The following NSD3 variants were observed in gnomAD, a reference collection of about 807,000 sequenced individuals.
The protein encoded by NSD3 is nuclear receptor binding SET domain protein 3.
Under a neutral mutation model 160.8 loss-of-function variants are expected in NSD3, and 24 were observed. That is an observed-to-expected ratio of 0.15 (90% CI 0.11 to 0.21). The LOEUF (loss-of-function observed/expected upper bound fraction) is 0.21. NSD3 is among the 10% of genes least tolerant of loss of function. NSD3 has a pLI of 1.00. For synonymous variants in NSD3, 520 were observed against 600.0 expected (o/e 0.87, Z 1.95); for missense variants, 1,157 against 1,735.9 (o/e 0.67, Z 5.93).
At chr8:38,299,407 C>G in intron 15 of NSD3, 37 bp downstream of exon 15, 1 of 1,587,270 alleles carries the variant, frequency 6.3e-7, no homozygotes, top group Non-Finnish European at 8.6e-7. Context: ...ATAGGAAATG[C>G]AAAAATAAAA....
In NSD3 at chr8:38,272,008, G is replaced by T. The variant is rs748869264; in HGVS notation, c.*3633C>A. ...CAGTAGGTCTGGGTTTGACCTATTG[G>T]AATACACCATGCAAGAAACTACTCA... On this transcript the variant is annotated 3_prime_UTR_variant, in exon 24 of 24. Transcript: ENST00000317025. The T allele has an allele frequency of 3.3e-5, 5 of 152,196 alleles. No individual in the cohort carries two copies. The highest frequency in any genetic ancestry group is 7.3e-5 in the Non-Finnish European group (5 of 68,046). The allele number at this position is 152,196 out of a possible 1,614,324, so 9.4% of individuals were successfully genotyped here. A position where few individuals can be genotyped will look rare whatever the true frequency, so the allele number is the denominator to read the frequency against.
At chr8:38,277,165 C>T (rs772309010) in intron 22 of NSD3, among the ~76,000 whole-genome samples, 3 of 152,062 alleles carry the variant, frequency 2.0e-5, no homozygotes, top group Non-Finnish European at 2.9e-5. Flanking sequence ...TGGTCTTGAA[C>T]TCCTGAGCTC....
chr8:38,350,063 A>G (rs1810647870), intron 1 of NSD3, among the ~76,000 whole-genome samples: 1 of 152,012 alleles, frequency 6.6e-6, no homozygotes, highest in Admixed American at 6.5e-5. Flanking sequence ...TATGTGCCAC[A>G]TTTTCTTAAT....
At chr8:38,324,541 G>T (rs1259408651) in intron 7 of NSD3, among the ~76,000 whole-genome samples, 2 of 152,178 alleles carry the variant, frequency 1.3e-5, no homozygotes, top group Non-Finnish European at 2.9e-5. Flanking sequence ...CAGGTCTTAA[G>T]ACTTTGATCC....
chr8:38,280,397 G>A (rs1046227500), intron 20 of NSD3, among the ~76,000 whole-genome samples: 1 of 152,082 alleles, frequency 6.6e-6, no homozygotes, highest in African/African-American at 2.4e-5. Flanking sequence ...CATTTTAACT[G>A]ATGTTTATGA....
chr8:38,371,716 C>T (rs1290055345), intron 1 of NSD3, among the ~76,000 whole-genome samples: 1 of 152,090 alleles, frequency 6.6e-6, no homozygotes, highest in Non-Finnish European at 1.5e-5. Context: ...AGAGATCATA[C>T]AAAAGGAGAC....
At chr8:38,362,926 T>C (rs542022513) in intron 1 of NSD3, among the ~76,000 whole-genome samples, 1 of 152,346 alleles carries the variant, frequency 6.6e-6, no homozygotes, top group South Asian at 2.1e-4. Context: ...ACAAAACCTG[T>C]GCTCAACATA....
Position 38,276,472 on chromosome 8 carries a change from T to C in NSD3, c.3896A>G (p.Lys1299Arg). Reference protein sequence around the residue: ...KSACASTNEEKAKNAKLKQKR... With the variant: ...KSACASTNEERAKNAKLKQKR... ...CTGTTTTAACTTAGCATTTTTTGCC[T>C]TCTCTTCATTTGTTGACGCACATGC... The change falls in exon 23 of 24, where the codon AAG (lysine) becomes AGG (arginine). Residue 1299 changes from lysine (K) to arginine (R), a missense_variant. Transcript: ENST00000317025. 1 of 1,614,250 alleles carries C rather than the reference T, an allele frequency of 6.2e-7. No homozygotes were observed. The highest frequency in any genetic ancestry group is 1.1e-5 in the South Asian group (1 of 91,080).
rs1451958099 is a variant in NSD3, at chr8:38,329,389, A to T, written c.1570T>A (p.Tyr524Asn). The T allele has an allele frequency of 6.2e-7, 1 of 1,607,940 alleles. No homozygotes were observed. The highest frequency in any genetic ancestry group is 1.1e-5 in the South Asian group (1 of 90,826). Residue 524 changes from tyrosine (Y) to asparagine (N), a missense_variant, in exon 6 of 24, where the codon TAT becomes AAT. Tyr to Asn is a moderately radical substitution (Grantham distance 143). This residue lies in a region of NSD3 where 102 missense variants were observed against 126.5 expected (regional missense o/e 0.81). Transcript: ENST00000317025. This position sits in a 1 kb window ranked among gnomAD's most constrained non-coding sequence, Gnocchi z 4.8. ...AAAAAAGGAGGTACCTTTGTTGAATAAACAAATTGATCGATAAATTTCCCA... is the reference window on the plus strand; with the variant it reads ...AAAAAAGGAGGTACCTTTGTTGAATTAACAAATTGATCGATAAATTTCCCA... ...GDGKFIDQFV[Y>N]STKGIGNKTE...
Position 38,274,830 on chromosome 8 carries a change from A to G in NSD3, c.*811T>C, listed in dbSNP as rs1335184531. ...GGAGTGACCATTCCAACTATGCTTCATATCCACAGAAACGCACTTCATCCA... is the reference window on the plus strand; with the variant it reads ...GGAGTGACCATTCCAACTATGCTTCGTATCCACAGAAACGCACTTCATCCA... On this transcript the variant is annotated 3_prime_UTR_variant, in exon 24 of 24. Transcript: ENST00000317025. 1.1e-5 allele frequency: 2 copies of G among 174,808 alleles called. No individual in the cohort carries two copies. The highest frequency in any genetic ancestry group is 2.5e-5 in the Non-Finnish European group (2 of 80,956). The allele number at this position is 174,808 out of a possible 1,614,324, so 10.8% of individuals were successfully genotyped here.
intron 1 of NSD3, among the ~76,000 whole-genome samples, chr8:38,351,624 T>C (rs1006133173): frequency 3.1e-4 from 47 of 150,900 alleles, no homozygotes; most frequent in Non-Finnish European, 6.5e-4. Flanking sequence ...GATCGCACCA[T>C]TGCATTCCAG....
At chr8:38,374,788 A>G (rs180918029) in intron 1 of NSD3, among the ~76,000 whole-genome samples, 88 of 152,232 alleles carry the variant, frequency 5.8e-4, no homozygotes, top group Admixed American at 2.2e-3. Context: ...ATGGATCACG[A>G]GGTCAGGAGA....
intron 14 of NSD3, 32 bp from the exon 15 acceptor site, chr8:38,299,622 C>T: frequency 6.7e-7 from 1 of 1,485,934 alleles, no homozygotes; most frequent in Non-Finnish European, 9.0e-7. Flanking sequence ...AGATGAGCTG[C>T]AATGAAACTA....
chr8:38,349,922 G>A (rs1411558626), intron 1 of NSD3, among the ~76,000 whole-genome samples: 2 of 151,306 alleles, frequency 1.3e-5, no homozygotes, highest in East Asian at 1.9e-4. Flanking sequence ...ACCTATGAGT[G>A]AGAACATACA....
Position 38,270,962 on chromosome 8 carries a change from A to G in NSD3, c.*4679T>C, listed in dbSNP as rs1808449307. The G allele has an allele frequency of 6.6e-6, 1 of 152,206 alleles. No individual in the cohort carries two copies. The highest frequency in any genetic ancestry group is 6.5e-5 in the Admixed American group (1 of 15,274). The allele number at this position is 152,206 out of a possible 1,614,324, so 9.4% of individuals were successfully genotyped here. On this transcript the variant is annotated 3_prime_UTR_variant, in exon 24 of 24. Transcript: ENST00000317025. The stretch of plus-strand genomic sequence containing the variant: ...TTTTTGAAAGACACGGATTACCCAC[A>G]TTTTGGGAGTGTAACGTAAGTGCAA...
chr8:38,316,412 CTG>C lies in NSD3; in HGVS notation c.1856-372_1856-371del, dbSNP rs1205540246. On this transcript the variant is annotated intron_variant, in intron 9 of 23. Coordinates refer to ENST00000317025, the MANE Select transcript of NSD3 (RefSeq NM_023034.2). This position sits in a 1 kb window ranked among gnomAD's most constrained non-coding sequence, Gnocchi z 4.5. Reference sequence around the variant, plus strand: ...GGGGGAAGACATAAAACCCAACACACTGTGTAGCTTACAAATATGGTTGCAGA... The same window carrying C: ...GGGGGAAGACATAAAACCCAACACACTGTAGCTTACAAATATGGTTGCAGA... 1.9e-6 allele frequency: 2 copies of C among 1,066,054 alleles called. No individual in the cohort carries two copies. The highest frequency in any genetic ancestry group is 1.7e-5 in the African/African-American group (1 of 60,358). The allele number at this position is 1,066,054 out of a possible 1,614,324, so 66.0% of individuals were successfully genotyped here.
At chr8:38,353,351 T>C (rs1295740034) in intron 1 of NSD3, among the ~76,000 whole-genome samples, 1 of 152,218 alleles carries the variant, frequency 6.6e-6, no homozygotes, top group East Asian at 1.9e-4. Flanking sequence ...TTAACAAGCA[T>C]GGACCAACTA....
intron 1 of NSD3, among the ~76,000 whole-genome samples, chr8:38,372,241 CA>C (rs1207502047): frequency 2.6e-5 from 4 of 152,018 alleles, no homozygotes. Flanking sequence ...TGAATCTTAC[CA>C]AAAAGTGCAA....
At chr8:38,356,900 AC>A (rs1414049914) in intron 1 of NSD3, among the ~76,000 whole-genome samples, 1 of 151,608 alleles carries the variant, frequency 6.6e-6, no homozygotes, top group Non-Finnish European at 1.5e-5. Flanking sequence ...GGGTAGATCA[AC>A]TGAGATCAGG....
Sources: allele counts gnomAD v4.1 joint callset (sites outside exome capture counted in the v4.1 genomes callset), GRCh38; gene constraint gnomAD v4.1.1; regional missense constraint gnomAD v4.1.1; non-coding constraint Gnocchi (gnomAD v3.1); transcripts MANE v1.5; gene names NCBI Gene and HGNC (gene_info 2026-07-23, HGNC 2026-07-21).